The following RSAD2 variants were observed in gnomAD, a reference collection of about 807,000 sequenced individuals.
RSAD2 encodes radical S-adenosyl methionine domain containing 2.
A neutral mutation model predicts 37.7 loss-of-function variants in RSAD2; 38 were observed. That is an observed-to-expected ratio of 1.01 (90% CI 0.78 to 1.32). The LOEUF is 1.32. RSAD2 is among the 40% of genes most tolerant of loss of function. RSAD2 has a pLI of 0.00. For missense variants in RSAD2, 428 were observed against 437.5 expected, an observed-to-expected ratio of 0.98 and a Z score of 0.19; for synonymous variants, 163 against 157.4, an observed-to-expected ratio of 1.04 and a Z score of -0.27.
intron 1 of RSAD2, among the ~76,000 whole-genome samples, chr2:6,869,856 A>T (rs751768522): frequency 1.3e-5 from 2 of 152,196 alleles, no homozygotes; most frequent in Non-Finnish European, 2.9e-5. Context: ...AAAACCCAGT[A>T]GCCATTTGCT....
chr2:6,896,732 A>G lies in RSAD2; in HGVS notation c.*790A>G, dbSNP rs1663783787. On this transcript the variant is annotated 3_prime_UTR_variant, in exon 6 of 6. Coordinates refer to ENST00000382040, the MANE Select transcript of RSAD2 (RefSeq NM_080657.5). ...GCTGTTCCATGAATGCTGGCTACCT[A>G]TGTGTGTGGTACCTGTTGTGTCCCT... 1 of 152,162 alleles carries G rather than the reference A, an allele frequency of 6.6e-6. No homozygotes were observed. The allele number at this position is 152,162 out of a possible 1,614,324, so 9.4% of individuals were successfully genotyped here. A position where few individuals can be genotyped will look rare whatever the true frequency, so the allele number is the denominator to read the frequency against.
chr2:6,881,686 G>A (rs1268451278), intron 1 of RSAD2, among the ~76,000 whole-genome samples: 4 of 151,194 alleles, frequency 2.6e-5, no homozygotes, highest in African/African-American at 7.3e-5. Context: ...GGTGTATGAC[G>A]CACAGGCCCA....
At position 6,878,041 on chromosome 2, in the gene RSAD2, C is replaced by T. The variant is rs780366944; in HGVS notation, c.241C>T (p.Arg81Cys). The T allele has an allele frequency of 4.0e-5, 64 of 1,614,214 alleles. 1 individual carries two copies. In the South Asian group the frequency reaches 5.5e-4, roughly 14 times the overall value. ...TPTSVNYHFT[R>C]QCNYKCGFCF... ...AACCAGCGTCAACTATCACTTCACT[C>T]GCCAGTGCAACTACAAATGCGGCTT... The change falls in exon 1 of 6, where the codon CGC becomes TGC. Residue 81 changes from arginine (R) to cysteine (C), a missense_variant. Arg to Cys is a radical substitution (Grantham distance 180). Transcript: ENST00000382040.
intron 4 of RSAD2, among the ~76,000 whole-genome samples, chr2:6,890,593 C>A (rs1436599534): frequency 2.0e-5 from 3 of 152,102 alleles, no homozygotes; most frequent in African/African-American, 7.2e-5. Flanking sequence ...TATATAGATT[C>A]ATGTAGATAT....
chr2:6,874,130 T>C (rs941495401), upstream of RSAD2, among the ~76,000 whole-genome samples: 10 of 152,136 alleles, frequency 6.6e-5, no homozygotes, highest in African/African-American at 2.4e-4. Flanking sequence ...CGCCTCCTCC[T>C]GCCCCAGCAT....
Position 6,887,172 on chromosome 2 carries a change from C to T in RSAD2, c.738+8C>T. The T allele has an allele frequency of 6.3e-7, 1 of 1,599,258 alleles. No homozygotes were observed. The highest frequency in any genetic ancestry group is 1.1e-5 in the South Asian group (1 of 90,574). ...AACCCTGTCCGCTGGAAAGTAAGTA[C>T]ACAAGGTCGCTTTTGCTGATTTCCT... is the stretch of plus-strand genomic sequence containing the variant. On this transcript the variant is annotated splice_region_variant and intron_variant, in intron 3 of 5. Coordinates refer to ENST00000382040, the MANE Select transcript of RSAD2 (RefSeq NM_080657.5).
At chr2:6,866,432 A>G in intron 1 of RSAD2, 5 of 985,606 alleles carry the variant, frequency 5.1e-6, no homozygotes, top group Non-Finnish European at 6.0e-6. Flanking sequence ...TCACCTGTGC[A>G]CAAGCTTTTC....
chr2:6,894,528 A>G (rs567440492), intron 5 of RSAD2, among the ~76,000 whole-genome samples: 1 of 151,860 alleles, frequency 6.6e-6, no homozygotes, highest in Non-Finnish European at 1.5e-5. Context: ...GGGCAATGGC[A>G]CAATCTTGGC....
chr2:6,890,322 G>T lies in RSAD2; in HGVS notation c.885G>T (p.Gln295His), dbSNP rs1663604779. ...CCTGCTTGGTGCCTGAATCTAACCA[G>T]AAGGTTGTATAAAGCAAAAGTTGTT... ...EVSCLVPESNQKMKDSYLILD... is the reference protein window; with the variant it reads ...EVSCLVPESNHKMKDSYLILD... Residue 295 changes from glutamine (Q) to histidine (H), a missense_variant, in exon 4 of 6, where the codon CAG (glutamine) becomes CAT (histidine). Transcript: ENST00000382040. The T allele has an allele frequency of 8.7e-6, 14 of 1,613,968 alleles. No individual in the cohort carries two copies. Among genetic ancestry groups the T allele is most frequent in the Non-Finnish European group, 1.2e-5 (14 of 1,179,916 alleles).
intron 1 of RSAD2, among the ~76,000 whole-genome samples, chr2:6,871,181 A>G (rs1454566524): frequency 6.6e-6 from 1 of 152,240 alleles, no homozygotes; most frequent in East Asian, 1.9e-4. Flanking sequence ...TTAGTGAAAT[A>G]GAAAGATTAG....
chr2:6,873,878 CTAATA>C (rs748768638), upstream of RSAD2, among the ~76,000 whole-genome samples: 3 of 152,068 alleles, frequency 2.0e-5, no homozygotes, highest in Admixed American at 6.6e-5. Context: ...AAATATGTTA[CTAATA>C]TGTGTTCCAA....
upstream of RSAD2, chr2:6,877,606 G>A: frequency 3.4e-6 from 2 of 581,272 alleles, no homozygotes; most frequent in South Asian, 2.1e-5. Context: ...CCGATCTCTA[G>A]TCTTCAGTCT....
rs1663312557 is a variant in RSAD2, at chr2:6,877,813, A to G, written c.13A>G (p.Thr5Ala). 1.2e-6 allele frequency: 2 copies of G among 1,613,530 alleles called. No homozygotes were observed. The highest frequency in any genetic ancestry group is 2.7e-5 in the African/African-American group (2 of 74,886). MWVL[T>A]PAAFAGKLLS... ...GGCATCTGCCACAATGTGGGTGCTT[A>G]CACCTGCTGCTTTTGCTGGGAAGCT... Residue 5 changes from threonine to alanine, a missense_variant, in exon 1 of 6, where the codon ACA becomes GCA. By Grantham distance (58) the Thr-to-Ala change is moderately conservative. Transcript: ENST00000382040.
upstream of RSAD2, chr2:6,876,756 A>T (rs377633503): frequency 3.9e-5 from 6 of 152,348 alleles, no homozygotes; most frequent in East Asian, 1.2e-3. Flanking sequence ...ACCCTAACTG[A>T]ACACTTAAAG....
intron 3 of RSAD2, among the ~76,000 whole-genome samples, chr2:6,889,654 T>C (rs996621591): frequency 6.6e-6 from 1 of 152,202 alleles, no homozygotes. Context: ...TATAGAATAA[T>C]ACACTGTCCA....
rs745676221 is a variant in RSAD2, at chr2:6,878,139, G to A, written c.339G>A (p.Lys113=). The change falls in exon 1 of 6, where the codon AAG becomes AAA. Residue 113 remains lysine (K), a synonymous_variant. Coordinates refer to ENST00000382040, the MANE Select transcript of RSAD2 (RefSeq NM_080657.5). ...CAAAGAGAGGATTGCTTTTGCTTAAGGAAGCTGGTGAGTACATGGTCCTAG... is the reference window on the plus strand; with the variant it reads ...CAAAGAGAGGATTGCTTTTGCTTAAAGAAGCTGGTGAGTACATGGTCCTAG... ...EEAKRGLLLL[K]EAGMEKINFS... The A allele has an allele frequency of 6.8e-6, 11 of 1,612,806 alleles. No individual in the cohort carries two copies. Among genetic ancestry groups the A allele is most frequent in the Admixed American group, 1.7e-5 (1 of 59,928 alleles).
rs186289991 is a variant in RSAD2, at chr2:6,883,418, C to G, written c.394C>G (p.Arg132Gly). Residue 132 changes from arginine to glycine, a missense_variant, in exon 2 of 6, where the codon CGG (arginine) becomes GGG (glycine). Physicochemically the swap from Arg to Gly is moderately radical, Grantham distance 125 (BLOSUM62 -2). Coordinates refer to ENST00000382040, the MANE Select transcript of RSAD2 (RefSeq NM_080657.5). The stretch of plus-strand genomic sequence containing the variant: ...AGGTGGAGAGCCATTTCTTCAAGAC[C>G]GGGGAGAATACCTGGGCAAGTTGGT... ...FSGGEPFLQDRGEYLGKLVRF... is the reference protein window; with the variant it reads ...FSGGEPFLQDGGEYLGKLVRF... 1 of 1,614,058 alleles carries G rather than the reference C, an allele frequency of 6.2e-7. No individual in the cohort carries two copies. Among genetic ancestry groups the G allele is most frequent in the Admixed American group, 1.7e-5 (1 of 60,010 alleles).
At position 6,883,455 on chromosome 2, in the gene RSAD2, A is replaced by C; in HGVS notation, c.431A>C (p.Lys144Thr). 1 of 1,614,176 alleles carries C rather than the reference A, an allele frequency of 6.2e-7. No homozygotes were observed. Among genetic ancestry groups the C allele is most frequent in the Non-Finnish European group, 8.5e-7 (1 of 1,180,026 alleles). ...CTGGGCAAGTTGGTGAGGTTCTGCA[A>C]AGTAGAGTTGCGGCTGCCCAGCGTG... ...EYLGKLVRFC[K>T]VELRLPSVSI... Residue 144 changes from lysine to threonine, a missense_variant, in exon 2 of 6, where the codon AAA becomes ACA. Coordinates refer to ENST00000382040, the MANE Select transcript of RSAD2 (RefSeq NM_080657.5).
Position 6,877,948 on chromosome 2 carries a change from C to T in RSAD2, c.148C>T (p.Gln50Ter), listed in dbSNP as rs758525640. 8.7e-6 allele frequency: 14 copies of T among 1,614,122 alleles called. No individual in the cohort carries two copies. Among genetic ancestry groups the T allele is most frequent in the Non-Finnish European group, 1.2e-5 (14 of 1,180,012 alleles). Residue 50 changes from glutamine to a stop codon, truncating the protein, a stop_gained, in exon 1 of 6, where the codon CAG becomes TAG. Transcript: ENST00000382040. LOFTEE classifies it high-confidence loss of function. ...WLLATKRRKQ[Q>*]LVLRGPDETK... ...GCTAGCTACCAAGAGGAGAAAGCAG[C>T]AGCTGGTCCTGAGAGGGCCAGATGA...
Sources: allele counts gnomAD v4.1 joint callset (sites outside exome capture counted in the v4.1 genomes callset), GRCh38; gene constraint gnomAD v4.1.1; transcripts MANE v1.5; gene names NCBI Gene and HGNC (gene_info 2026-07-23, HGNC 2026-07-21).